The following ELOF1 variants were observed in gnomAD, a reference collection of about 807,000 sequenced individuals.
ELOF1 encodes elongation factor 1, also known as transcription elongation factor 1 homolog.
A neutral mutation model predicts 7.1 loss-of-function variants in ELOF1; 4 were observed. The ratio of observed to expected loss-of-function variants is 0.56; its 90% confidence interval spans 0.28 to 1.29. ELOF1 has a LOEUF of 1.29. Ranked by LOEUF, ELOF1 falls within the 50% of genes most tolerant of loss-of-function variation. The probability of loss-of-function intolerance (pLI) is 0.10; values close to 1 mark genes in which losing one functional copy is unlikely to be tolerated. For missense variants in ELOF1, 59 were observed against 86.3 expected (o/e 0.68, Z 1.25); for synonymous variants, 31 against 31.9 (o/e 0.97, Z 0.09).
intron 3 of ELOF1, chr19:11,553,507 T>A (rs889091312): frequency 1.3e-5 from 8 of 611,154 alleles, no homozygotes; most frequent in African/African-American, 1.1e-4. Context: ...GAGCACACAC[T>A]CACGGCCACC....
chr19:11,554,979 C>T (rs1222647267), intron 1 of ELOF1: 1 of 151,314 alleles, frequency 6.6e-6, no homozygotes, highest in Non-Finnish European at 1.5e-5. Flanking sequence ...AAAAAAAAGG[C>T]CAGGTGTGGT....
chr19:11,558,761 G>A (rs992020848), intron 1 of ELOF1, among the ~76,000 whole-genome samples: 2 of 151,614 alleles, frequency 1.3e-5, no homozygotes, highest in Admixed American at 6.6e-5. Flanking sequence ...AAAATCTACG[G>A]ATGAGCCCCA....
At chr19:11,553,480 C>A in intron 3 of ELOF1, 1 of 588,480 alleles carries the variant, frequency 1.7e-6, no homozygotes, top group Non-Finnish European at 3.0e-6. Flanking sequence ...AGGAACCCGA[C>A]ACCACCGCGT....
At chr19:11,553,581 CTA>C (rs1491167048) in intron 3 of ELOF1, 3 of 677,084 alleles carry the variant, frequency 4.4e-6, no homozygotes, top group Non-Finnish European at 7.1e-6. Flanking sequence ...CGCACACCCA[CTA>C]CACACACACA....
intron 3 of ELOF1, chr19:11,553,630 CACGG>C: frequency 1.1e-6 from 1 of 875,494 alleles, no homozygotes; most frequent in Non-Finnish European, 1.8e-6. Context: ...CACACACACA[CACGG>C]CTGTGACAGC....
At chr19:11,558,228 C>T (rs1357414231) in intron 1 of ELOF1, among the ~76,000 whole-genome samples, 2 of 152,074 alleles carry the variant, frequency 1.3e-5, no homozygotes, top group East Asian at 3.9e-4. Flanking sequence ...TGCGATCCTC[C>T]CCCTGCCCCT....
intron 1 of ELOF1, 33 bp from the exon 2 acceptor site, chr19:11,554,398 G>A: frequency 6.2e-7 from 1 of 1,602,168 alleles, no homozygotes; most frequent in South Asian, 1.1e-5. Context: ...GTGGTTTGAG[G>A]AAACCACGCA....
At chr19:11,558,462 A>G (rs1384522177) in intron 1 of ELOF1, among the ~76,000 whole-genome samples, 3 of 151,928 alleles carry the variant, frequency 2.0e-5, no homozygotes, top group Admixed American at 6.6e-5. Flanking sequence ...TTGTAACTCT[A>G]TCACTTTGGG....
chr19:11,553,744 C>A, intron 3 of ELOF1: 1 of 1,614,190 alleles, frequency 6.2e-7, no homozygotes, highest in South Asian at 1.1e-5. Flanking sequence ...TCCTCTGTGT[C>A]GCTACTGATT....
chr19:11,554,300 C>T (rs1201158191), exon 2 of ELOF1: 2 of 1,613,974 alleles, frequency 1.2e-6, no homozygotes, highest in Non-Finnish European at 1.7e-6. Flanking sequence ...GGGTGCCTGT[C>T]ATCTTCTTCT....
intron 3 of ELOF1, chr19:11,553,478 G>A (rs889341821): frequency 3.4e-6 from 2 of 584,576 alleles, no homozygotes; most frequent in Non-Finnish European, 6.1e-6. Context: ...CCAGGAACCC[G>A]ACACCACCGC....
At chr19:11,555,927 G>A (rs540665690) in intron 1 of ELOF1, among the ~76,000 whole-genome samples, 1 of 152,212 alleles carries the variant, frequency 6.6e-6, no homozygotes, top group East Asian at 1.9e-4. Flanking sequence ...GTTGTGGCGG[G>A]GACATAGTGG....
At chr19:11,557,915 A>G (rs1257415231) in intron 1 of ELOF1, among the ~76,000 whole-genome samples, 1 of 152,012 alleles carries the variant, frequency 6.6e-6, no homozygotes, top group African/African-American at 2.4e-5. Flanking sequence ...TTCTGGCTAT[A>G]CTCACCACAT....
intron 2 of ELOF1, 37 bp downstream of exon 2, chr19:11,554,195 T>C: frequency 1.2e-6 from 2 of 1,612,908 alleles, no homozygotes; most frequent in Non-Finnish European, 1.7e-6. Context: ...GAAGAGGCAG[T>C]GGGGAGGCTG....
Position 11,553,830 on chromosome 19 carries a change from G to A in ELOF1, c.187+181C>T. The stretch of plus-strand genomic sequence containing the variant: ...ACAGATCTGGGCCACTTAGGTCAAG[G>A]GCGATCATTGGCATTGGAACCCTGC... On this transcript the variant is annotated intron_variant, in intron 3 of 3. Transcript: ENST00000586683. 6.2e-7 allele frequency: 1 copy of A among 1,614,132 alleles called. No homozygotes were observed. Among genetic ancestry groups the A allele is most frequent in the Non-Finnish European group, 8.5e-7 (1 of 1,180,026 alleles).
intron 3 of ELOF1, chr19:11,553,596 CA>C: frequency 2.0e-6 from 1 of 500,650 alleles, no homozygotes; most frequent in Middle Eastern, 5.6e-4. Flanking sequence ...CACACACACA[CA>C]CACACACACA....
At chr19:11,558,375 C>A (rs1376300617) in intron 1 of ELOF1, among the ~76,000 whole-genome samples, 1 of 152,030 alleles carries the variant, frequency 6.6e-6, no homozygotes, top group Non-Finnish European at 1.5e-5. Flanking sequence ...CTCGGCCTCC[C>A]AAAGTGCTGG....
intron 3 of ELOF1, chr19:11,553,511 G>A (rs1333426877): frequency 6.5e-6 from 4 of 611,794 alleles, no homozygotes; most frequent in South Asian, 1.9e-5. Context: ...ACACACTCAC[G>A]GCCACCCCAG....
intron 3 of ELOF1, chr19:11,553,572 G>A (rs928555299): frequency 1.3e-5 from 9 of 708,862 alleles, no homozygotes; most frequent in East Asian, 2.9e-5. Flanking sequence ...ACACCCACAC[G>A]CACACCCACT....
Sources: allele counts gnomAD v4.1 joint callset (sites outside exome capture counted in the v4.1 genomes callset), GRCh38; gene constraint gnomAD v4.1.1; transcripts MANE v1.5; gene names NCBI Gene and HGNC (gene_info 2026-07-23, HGNC 2026-07-21).